Variants in DNA2 observed in about 807,000 individuals in gnomAD.
The protein encoded by DNA2 is DNA replication ATP-dependent helicase/nuclease DNA2.
A neutral mutation model predicts 119.1 loss-of-function variants in DNA2; 101 were observed. That is an observed-to-expected ratio of 0.85 (90% confidence interval 0.72 to 1.00). DNA2 has a LOEUF of 1.00. Ranked by LOEUF, DNA2 falls within the 50% of genes least tolerant of loss-of-function variation. The pLI is 0.00. For missense variants in DNA2, 1,121 were observed against 1,255.5 expected, an observed-to-expected ratio of 0.89 and a Z score of 1.62; for synonymous variants, 366 against 424.4, an observed-to-expected ratio of 0.86 and a Z score of 1.69.
intron 10 of DNA2, among the ~76,000 whole-genome samples, chr10:68,434,094 G>A (rs919553249): frequency 2.0e-5 from 3 of 152,192 alleles, no homozygotes; most frequent in African/African-American, 7.2e-5. Flanking sequence ...GGACAACATA[G>A]TAAAACCCTG....
intron 3 of DNA2, among the ~76,000 whole-genome samples, chr10:68,467,389 G>A (rs1034381785): frequency 9.9e-5 from 15 of 151,442 alleles, no homozygotes; most frequent in East Asian, 3.9e-4. Context: ...GATTACAGGC[G>A]TAAGCCACTG....
chr10:68,455,714 A>AG (rs1312021393), intron 5 of DNA2, among the ~76,000 whole-genome samples: 1 of 151,900 alleles, frequency 6.6e-6, no homozygotes, highest in African/African-American at 2.4e-5. Flanking sequence ...CCAGCTACTC[A>AG]GGGGGCTGTG....
chr10:68,430,047 C>T (rs1182308721), intron 14 of DNA2, among the ~76,000 whole-genome samples: 2 of 151,692 alleles, frequency 1.3e-5, no homozygotes, highest in Non-Finnish European at 2.9e-5. Flanking sequence ...CCACGCCCGG[C>T]TAATTTTTTT....
chr10:68,470,307 G>T, intron 1 of DNA2, 144 bp from the exon 2 acceptor site: 1 of 682,960 alleles, frequency 1.5e-6, no homozygotes, highest in Non-Finnish European at 2.3e-6. Flanking sequence ...GACAAAATAG[G>T]TAAAATTAAG....
chr10:68,451,252 A>G (rs2052113958), intron 5 of DNA2, among the ~76,000 whole-genome samples: 1 of 152,174 alleles, frequency 6.6e-6, no homozygotes. Context: ...TCTTTACTTA[A>G]TAACTAAATG....
intron 14 of DNA2, among the ~76,000 whole-genome samples, chr10:68,429,882 ATTT>A (rs142420844): frequency 5.7e-5 from 7 of 123,636 alleles, no homozygotes; most frequent in African/African-American, 1.9e-4. Flanking sequence ...AAAAACCCGG[ATTT>A]TTTTTTTTTT....
At chr10:68,445,204 C>A in intron 7 of DNA2, 121 bp from the exon 8 acceptor site, 2 of 911,646 alleles carry the variant, frequency 2.2e-6, no homozygotes, top group Non-Finnish European at 3.2e-6. Context: ...ATGGCTTACG[C>A]CTGTAATCCC....
intron 17 of DNA2, among the ~76,000 whole-genome samples, chr10:68,420,280 T>C (rs1006558505): frequency 1.3e-5 from 2 of 152,208 alleles, no homozygotes; most frequent in African/African-American, 2.4e-5. Context: ...GGCTCACGCC[T>C]GTAATCCCAG....
rs562490095 is a variant in DNA2 at position 68,457,975 on chromosome 10, C to T, written c.719+1129G>A. The stretch of plus-strand genomic sequence containing the variant: ...ATCACTTGAGGTCAGGAGTTCGAGA[C>T]CAGCCTGGCCAACATGGTGAAACTT... On this transcript the variant is annotated intron_variant, in intron 5 of 20. Transcript: ENST00000358410. 3.3e-5 allele frequency among the ~76,000 whole-genome samples: 5 copies of T among 152,058 alleles called. No individual in the cohort carries two copies. In the South Asian group the frequency reaches 1.0e-3, roughly 32 times the overall value.
intron 5 of DNA2, among the ~76,000 whole-genome samples, chr10:68,458,894 A>G (rs531905402): frequency 6.0e-4 from 92 of 152,268 alleles, no homozygotes; most frequent in Admixed American, 3.3e-3. Flanking sequence ...CATATAGAAA[A>G]TAAGCTATCA....
chr10:68,418,507 C>T (rs2051621762), intron 19 of DNA2, among the ~76,000 whole-genome samples: 1 of 150,700 alleles, frequency 6.6e-6, no homozygotes, highest in Admixed American at 6.6e-5. Context: ...AATACATCTG[C>T]AGAACGTGCA....
chr10:68,442,768 A>T, intron 9 of DNA2, 149 bp downstream of exon 9: 1 of 651,886 alleles, frequency 1.5e-6, no homozygotes, highest in Non-Finnish European at 2.6e-6. Context: ...TCTTAGAAAC[A>T]ATAGAGAGCC....
chr10:68,419,508 CCTT>C, intron 18 of DNA2: 1 of 513,672 alleles, frequency 1.9e-6, no homozygotes, highest in Non-Finnish European at 3.4e-6. Flanking sequence ...ATACATTTCA[CCTT>C]CTGCTATTTC....
intron 14 of DNA2, among the ~76,000 whole-genome samples, chr10:68,427,894 G>A (rs975023641): frequency 4.0e-5 from 6 of 151,806 alleles, no homozygotes; most frequent in African/African-American, 7.3e-5. Context: ...TTAGCCAGGC[G>A]TGGTGGCGCA....
chr10:68,463,170 C>T (rs1371102820), intron 4 of DNA2, among the ~76,000 whole-genome samples: 1 of 150,886 alleles, frequency 6.6e-6, no homozygotes, highest in Non-Finnish European at 1.5e-5. Context: ...CCTGGCCGGA[C>T]GCAGTGGCTC....
intron 19 of DNA2, among the ~76,000 whole-genome samples, chr10:68,418,593 C>G (rs1464153841): frequency 6.6e-6 from 1 of 151,652 alleles, no homozygotes; most frequent in Non-Finnish European, 1.5e-5. Flanking sequence ...TCCCGCCCCT[C>G]ACCCCCAACC....
At chr10:68,423,967 A>T (rs1315232937) in intron 14 of DNA2, among the ~76,000 whole-genome samples, 2 of 152,200 alleles carry the variant, frequency 1.3e-5, no homozygotes, top group Non-Finnish European at 2.9e-5. Flanking sequence ...ATGTTTCAAT[A>T]AAAAAATCAA....
chr10:68,439,268 C>G (rs1214104351), intron 9 of DNA2, among the ~76,000 whole-genome samples: 1 of 151,332 alleles, frequency 6.6e-6, no homozygotes, highest in Admixed American at 6.6e-5. Flanking sequence ...GTGGTGCATG[C>G]CTGTAATCCC....
intron 9 of DNA2, among the ~76,000 whole-genome samples, chr10:68,438,279 G>A (rs572855436): frequency 2.1e-4 from 32 of 152,124 alleles, no homozygotes; most frequent in African/African-American, 3.9e-4. Flanking sequence ...TAGCATTTTC[G>A]GAGGCCGAGG....
Sources: allele counts gnomAD v4.1 joint callset (sites outside exome capture counted in the v4.1 genomes callset), GRCh38; gene constraint gnomAD v4.1.1; transcripts MANE v1.5; gene names NCBI Gene and HGNC (gene_info 2026-07-23, HGNC 2026-07-21).